RNF4: variants seen among roughly 807,000 people sequenced by gnomAD.
RNF4 encodes the protein E3 ubiquitin-protein ligase RNF4.
RNF4 carries 7 observed loss-of-function variants against 24.3 expected under a neutral mutation model. That is an observed-to-expected ratio of 0.29 (90% confidence interval 0.16 to 0.54). RNF4 has a LOEUF of 0.54. Ranked by LOEUF, RNF4 falls within the 20% of genes least tolerant of loss-of-function variation. The pLI, the probability that RNF4 is intolerant of heterozygous loss-of-function variation, is 0.95. For synonymous variants in RNF4, 83 were observed against 84.3 expected (o/e 0.98, Z 0.09); for missense variants, 209 against 248.5 (o/e 0.84, Z 1.07).
chr4:2,489,339 C>T (rs573783811), intron 1 of RNF4, among the ~76,000 whole-genome samples: 2 of 152,272 alleles, frequency 1.3e-5, no homozygotes, highest in South Asian at 2.1e-4. Context: ...GAGGATGACA[C>T]GGCACAGCAC....
chr4:2,490,293 A>G, intron 1 of RNF4, 44 bp from the exon 2 acceptor site: 1 of 576,762 alleles, frequency 1.7e-6, no homozygotes, highest in Non-Finnish European at 3.1e-6. Flanking sequence ...TGTTTCAATG[A>G]TGTAAGTGGC....
At chr4:2,501,179 C>T (rs1735898976) in intron 4 of RNF4, among the ~76,000 whole-genome samples, 1 of 152,210 alleles carries the variant, frequency 6.6e-6, no homozygotes, top group Admixed American at 6.5e-5. Flanking sequence ...TCACTCATGT[C>T]AGCAGGGCAT....
intron 4 of RNF4, among the ~76,000 whole-genome samples, chr4:2,510,721 G>T (rs1014915658): frequency 3.3e-5 from 5 of 152,238 alleles, no homozygotes; most frequent in Non-Finnish European, 7.3e-5. Flanking sequence ...GTAGGGCTTT[G>T]GTGGTGAGAA....
At chr4:2,473,868 TG>T (rs2108747918) in intron 1 of RNF4, among the ~76,000 whole-genome samples, 1 of 152,142 alleles carries the variant, frequency 6.6e-6, no homozygotes, top group African/African-American at 2.4e-5. Context: ...GGTCAGGAGT[TG>T]GAGACCAGCC....
intron 4 of RNF4, among the ~76,000 whole-genome samples, chr4:2,507,864 T>C (rs1736148033): frequency 6.6e-6 from 1 of 152,052 alleles, no homozygotes; most frequent in Non-Finnish European, 1.5e-5. Context: ...TTTTTTCTTT[T>C]CTCTTTTTGA....
At chr4:2,477,820 G>A (rs1735127032) in intron 1 of RNF4, among the ~76,000 whole-genome samples, 1 of 152,174 alleles carries the variant, frequency 6.6e-6, no homozygotes, top group Non-Finnish European at 1.5e-5. Flanking sequence ...CAGTAAGTTG[G>A]TACCAGTAGA....
At chr4:2,479,527 C>G (rs1033560560) in intron 1 of RNF4, among the ~76,000 whole-genome samples, 1 of 152,094 alleles carries the variant, frequency 6.6e-6, no homozygotes, top group African/African-American at 2.4e-5. Context: ...CTCATGAGAT[C>G]TGATAGTTTT....
At chr4:2,507,187 TGGAA>T (rs536611656) in intron 4 of RNF4, among the ~76,000 whole-genome samples, 57 of 141,274 alleles carry the variant, frequency 4.0e-4, no homozygotes, top group Non-Finnish European at 7.7e-4. Flanking sequence ...AAGGCTTTTC[TGGAA>T]GGAAGGAAGG....
At chr4:2,473,189 C>T (rs1734960352) in intron 1 of RNF4, among the ~76,000 whole-genome samples, 1 of 151,668 alleles carries the variant, frequency 6.6e-6, no homozygotes. Context: ...TGAGACCAGC[C>T]TGCCCAACAT....
At chr4:2,472,558 C>T (rs2108746575) in intron 1 of RNF4, among the ~76,000 whole-genome samples, 2 of 148,232 alleles carry the variant, frequency 1.3e-5, no homozygotes, top group African/African-American at 5.0e-5. Context: ...TAGAGACCAG[C>T]CGGGGCAGCA....
intron 2 of RNF4, among the ~76,000 whole-genome samples, chr4:2,496,553 C>T (rs567360519): frequency 2.6e-5 from 4 of 152,238 alleles, no homozygotes; most frequent in Non-Finnish European, 5.9e-5. Flanking sequence ...CTCTGCCTCC[C>T]AGGTTCAAGT....
In RNF4 at chr4:2,512,300, T is replaced by C; in HGVS notation, c.215-138T>C. 1 of 1,044,900 alleles carries C rather than the reference T, an allele frequency of 9.6e-7. No individual in the cohort carries two copies. The highest frequency in any genetic ancestry group is 1.4e-5 in the South Asian group (1 of 71,992). 64.7% of individuals were successfully genotyped at this position (1,044,900 alleles called of 1,614,324 possible). Reference sequence around the variant, plus strand: ...GAGCTGGGCAGAACCTTCTGGGTTATAGCTGAGCATGGCAGCAGTTTGTCT... The same window carrying C: ...GAGCTGGGCAGAACCTTCTGGGTTACAGCTGAGCATGGCAGCAGTTTGTCT... On this transcript the variant is annotated intron_variant, in intron 5 of 7. Transcript: ENST00000314289. The surrounding 1 kb of genome is among the most constrained non-coding windows in gnomAD (Gnocchi z 4.1).
chr4:2,512,027 G>A lies in RNF4; in HGVS notation c.214+62G>A, dbSNP rs369955486. 1.5e-4 allele frequency: 232 copies of A among 1,523,864 alleles called. 1 individual carries two copies. The East Asian group carries it at 4.6e-3, about 30-fold the overall frequency. 94.4% of individuals were successfully genotyped at this position (1,523,864 alleles called of 1,614,324 possible). ...GAGGAAACTGGCATAGGTGAGAGCC[G>A]CGGTGCTGCAGGTCTTGCCAGACCA... is the stretch of plus-strand genomic sequence containing the variant. On this transcript the variant is annotated intron_variant, in intron 5 of 7. Coordinates refer to ENST00000314289, the MANE Select transcript of RNF4 (RefSeq NM_002938.5). This position sits in a 1 kb window ranked among gnomAD's most constrained non-coding sequence, Gnocchi z 4.1.
intron 4 of RNF4, among the ~76,000 whole-genome samples, chr4:2,502,657 G>A (rs1735948822): frequency 6.7e-6 from 1 of 149,216 alleles, no homozygotes; most frequent in African/African-American, 2.5e-5. Context: ...GGGCAACAGA[G>A]TGAGACTCCA....
intron 7 of RNF4, 35 bp from the exon 8 acceptor site, chr4:2,513,635 C>G (rs780276391): frequency 1.2e-6 from 2 of 1,610,402 alleles, no homozygotes; most frequent in Non-Finnish European, 1.7e-6. Flanking sequence ...GGGACAAGGG[C>G]AAACTCGGAG....
chr4:2,505,430 A>G (rs963424999), intron 4 of RNF4: 2 of 150,134 alleles, frequency 1.3e-5, no homozygotes, highest in African/African-American at 2.5e-5. Context: ...GGTTCACACC[A>G]TTCTCCTGCC....
chr4:2,484,402 C>T (rs1201871840), intron 1 of RNF4, among the ~76,000 whole-genome samples: 8 of 151,906 alleles, frequency 5.3e-5, no homozygotes, highest in African/African-American at 9.7e-5. Flanking sequence ...GTTTCCTGCC[C>T]GCCTGTATGT....
At chr4:2,471,892 T>C (rs960521721) in intron 1 of RNF4, among the ~76,000 whole-genome samples, 4 of 152,160 alleles carry the variant, frequency 2.6e-5, no homozygotes, top group Non-Finnish European at 5.9e-5. Flanking sequence ...GCCACCTCTG[T>C]AATGTAAAAG....
intron 3 of RNF4, 86 bp downstream of exon 3, chr4:2,497,207 C>A: frequency 1.0e-6 from 1 of 991,218 alleles, no homozygotes; most frequent in Non-Finnish European, 1.5e-6. Context: ...AAGGTGCTTT[C>A]AGTGTCTTTA....
Sources: allele counts gnomAD v4.1 joint callset (sites outside exome capture counted in the v4.1 genomes callset), GRCh38; gene constraint gnomAD v4.1.1; non-coding constraint Gnocchi (gnomAD v3.1); transcripts MANE v1.5; gene names NCBI Gene and HGNC (gene_info 2026-07-23, HGNC 2026-07-21).